The following INTS7 variants were observed in gnomAD, a reference collection of about 807,000 sequenced individuals.
INTS7 encodes the protein chromosome 1 open reading frame 73.
In INTS7, 46 loss-of-function variants were observed where a neutral mutation model predicts 109.2. The observed-to-expected ratio is 0.42, with a 90% CI of 0.33 to 0.54. INTS7 has a LOEUF of 0.54. Among genes scored for constraint, INTS7 ranks in the 20% least tolerant of loss-of-function variants. The pLI, the probability that INTS7 is intolerant of heterozygous loss-of-function variation, is 0.07. For synonymous variants in INTS7, 412 were observed against 402.9 expected (o/e 1.02, Z -0.27); for missense variants, 929 against 1,132.4 (o/e 0.82, Z 2.58).
chr1:212,016,333 T>C (rs2102484307), intron 4 of INTS7, among the ~76,000 whole-genome samples: 1 of 152,336 alleles, frequency 6.6e-6, no homozygotes, highest in East Asian at 1.9e-4. Flanking sequence ...GATACTGTAT[T>C]TTCTTTTACA....
At chr1:212,029,043 GGAATTCTGAGGTGAT>G (rs1667046323) in intron 1 of INTS7, among the ~76,000 whole-genome samples, 1 of 152,128 alleles carries the variant, frequency 6.6e-6, no homozygotes, top group Non-Finnish European at 1.5e-5. Flanking sequence ...ATTAAATGGT[GGAATTCTGAGGTGAT>G]GAATTCTAGG....
chr1:212,013,158 T>C (rs1427778714), intron 4 of INTS7, among the ~76,000 whole-genome samples: 1 of 152,220 alleles, frequency 6.6e-6, no homozygotes, highest in Non-Finnish European at 1.5e-5. Context: ...TCTTGATGTC[T>C]GACCCTGTGT....
chr1:212,012,919 A>G (rs1036308757), intron 4 of INTS7, among the ~76,000 whole-genome samples: 13 of 152,028 alleles, frequency 8.6e-5, no homozygotes, highest in African/African-American at 3.2e-4. Flanking sequence ...CTAAATTTAG[A>G]AAACTATTTT....
intron 8 of INTS7, among the ~76,000 whole-genome samples, chr1:211,985,631 A>C (rs1348906028): frequency 2.0e-5 from 3 of 152,226 alleles, no homozygotes; most frequent in African/African-American, 4.8e-5. Context: ...TTGTGCATGT[A>C]AGTCAGTTTG....
intron 6 of INTS7, 148 bp downstream of exon 6, chr1:212,007,102 A>G (rs1665957576): frequency 1.5e-6 from 1 of 653,584 alleles, no homozygotes; most frequent in African/African-American, 1.8e-5. Context: ...AGAGAATAAA[A>G]AAGCAAGCAA....
At position 212,011,454 on chromosome 1, in the gene INTS7, C is replaced by T. The variant is rs765175628; in HGVS notation, c.510-33G>A. On this transcript the variant is annotated intron_variant, in intron 4 of 19. Coordinates refer to ENST00000366994, the MANE Select transcript of INTS7 (RefSeq NM_015434.4). The stretch of plus-strand genomic sequence containing the variant: ...AAAAGAGAACAGAGAACAGAAAAAA[C>T]TTACATTTGCTTATATTTTCTAAGG... 2.3e-5 allele frequency: 30 copies of T among 1,306,142 alleles called. No individual in the cohort carries two copies. In the East Asian group the frequency reaches 6.9e-4, roughly 30 times the overall value. The allele number at this position is 1,306,142 out of a possible 1,614,324, so 80.9% of individuals were successfully genotyped here. A position where few individuals can be genotyped will look rare whatever the true frequency, so the allele number is the denominator to read the frequency against.
intron 16 of INTS7, among the ~76,000 whole-genome samples, chr1:211,960,355 A>T (rs1663561653): frequency 6.6e-6 from 1 of 152,154 alleles, no homozygotes. Flanking sequence ...CAAAGACGAG[A>T]AAGAACCAGT....
intron 16 of INTS7, among the ~76,000 whole-genome samples, chr1:211,953,735 ATTT>A (rs960900643): frequency 6.6e-6 from 1 of 150,880 alleles, no homozygotes; most frequent in African/African-American, 2.4e-5. Context: ...TGAACTCATC[ATTT>A]TTTATGGCTG....
rs115431118 is a variant in INTS7 at position 211,987,897 on chromosome 1, C to T, written c.986G>A (p.Ser329Asn). Residue 329 changes from serine to asparagine, a missense_variant, in exon 8 of 20, where the codon AGT (serine) becomes AAT (asparagine). Coordinates refer to ENST00000366994, the MANE Select transcript of INTS7 (RefSeq NM_015434.4). ...SGTIAIKHYF[S>N]IVPGNVSSSP... ...TGTCTTTTCCTTACCTGGAACTATA[C>T]TGAAGTAATGTTTGATGGCGATGGT... is the stretch of plus-strand genomic sequence containing the variant. The T allele has an allele frequency of 1.1e-3, 1,741 of 1,571,140 alleles. 11 individuals carry two copies. The African/African-American group carries it at 0.02, about 18-fold the overall frequency.
intron 1 of INTS7, among the ~76,000 whole-genome samples, chr1:212,028,524 T>G (rs1667025484): frequency 6.6e-6 from 1 of 152,186 alleles, no homozygotes; most frequent in African/African-American, 2.4e-5. Flanking sequence ...TGACTGCCTT[T>G]GGGGATACAT....
Position 211,987,995 on chromosome 1 carries a change from A to C in INTS7, c.888T>G (p.Cys296Trp), listed in dbSNP as rs1165073737. 1 of 1,565,592 alleles carries C rather than the reference A, an allele frequency of 6.4e-7. No homozygotes were observed. The highest frequency in any genetic ancestry group is 8.8e-7 in the Non-Finnish European group (1 of 1,137,640). The stretch of plus-strand genomic sequence containing the variant: ...CATAAGGAGTCTGGAGGGCACACTC[A>C]CAAAGTGCCTGGAATGCAGAAGAGA... ...TWSRENIQAL[C>W]ECALQTPYDS... Residue 296 changes from cysteine to tryptophan, a missense_variant, in exon 8 of 20, where the codon TGT becomes TGG. Coordinates refer to ENST00000366994, the MANE Select transcript of INTS7 (RefSeq NM_015434.4).
intron 8 of INTS7, among the ~76,000 whole-genome samples, chr1:211,985,676 G>C (rs116818367): frequency 0.027 from 4,177 of 152,300 alleles, 81 homozygotes; most frequent in Non-Finnish European, 0.04. Context: ...AGACCGCTGA[G>C]TTCAGGCCTA....
chr1:212,001,458 AAAG>A (rs1157492781), intron 7 of INTS7, among the ~76,000 whole-genome samples: 6 of 152,188 alleles, frequency 3.9e-5, no homozygotes, highest in Admixed American at 2.6e-4. Flanking sequence ...TAATAATAAA[AAAG>A]AATAATACAA....
At chr1:212,019,720 T>C (rs943922460) in intron 3 of INTS7, among the ~76,000 whole-genome samples, 11 of 152,122 alleles carry the variant, frequency 7.2e-5, no homozygotes, top group Admixed American at 6.5e-5. Flanking sequence ...TCCAATGAAA[T>C]CAAATATGAT....
chr1:212,003,674 G>T (rs900266110), intron 7 of INTS7, among the ~76,000 whole-genome samples: 1 of 152,114 alleles, frequency 6.6e-6, no homozygotes, highest in Admixed American at 6.5e-5. Flanking sequence ...AATTATACAA[G>T]ACAATAATAC....
Position 211,942,044 on chromosome 1 carries a change from G to T in INTS7, c.2669C>A (p.Thr890Asn). 1 of 1,614,152 alleles carries T rather than the reference G, an allele frequency of 6.2e-7. No homozygotes were observed. The highest frequency in any genetic ancestry group is 8.5e-7 in the Non-Finnish European group (1 of 1,180,006). ...RVEPHNDYFS[T>N]QFLLNFAILG... ...GATAGCAAAGTTCAACAGAAATTGAGTACTGAAGTAATCATTATGAGGTTC... is the reference window on the plus strand; with the variant it reads ...GATAGCAAAGTTCAACAGAAATTGATTACTGAAGTAATCATTATGAGGTTC... Residue 890 changes from threonine to asparagine, a missense_variant, in exon 20 of 20, where the codon ACT becomes AAT. Thr to Asn is a moderately conservative substitution (Grantham distance 65). This residue lies in a region of INTS7 where 787 missense variants were observed against 901.1 expected (regional missense o/e 0.87). Coordinates refer to ENST00000366994, the MANE Select transcript of INTS7 (RefSeq NM_015434.4). This position sits in a 1 kb window ranked among gnomAD's most constrained non-coding sequence, Gnocchi z 4.2.
intron 4 of INTS7, among the ~76,000 whole-genome samples, chr1:212,015,136 G>T (rs868083787): frequency 1.3e-5 from 2 of 151,794 alleles, no homozygotes; most frequent in East Asian, 2.0e-4. Flanking sequence ...GGGAGGTGGG[G>T]GGCAGCCCCT....
intron 17 of INTS7, among the ~76,000 whole-genome samples, chr1:211,950,264 A>AACTT (rs142811210): frequency 2.6e-5 from 4 of 152,126 alleles, no homozygotes; most frequent in Non-Finnish European, 5.9e-5. Flanking sequence ...AAAGGGAAAT[A>AACTT]ACTTACTTAC....
intron 1 of INTS7, among the ~76,000 whole-genome samples, chr1:212,027,789 C>T (rs1282681192): frequency 6.6e-6 from 1 of 152,042 alleles, no homozygotes; most frequent in Non-Finnish European, 1.5e-5. Flanking sequence ...GGCAGAGTCC[C>T]AGGCATCTGT....
Sources: gnomAD v4.1 joint callset for allele counts (sites outside exome capture counted in the v4.1 genomes callset) on GRCh38, gnomAD v4.1.1 for gene constraint, gnomAD v4.1.1 regional missense constraint, Gnocchi (gnomAD v3.1) non-coding constraint, MANE v1.5 for transcripts, NCBI Gene and HGNC (gene_info 2026-07-23, HGNC 2026-07-21) for gene names.